The following FNDC3B variants were observed in gnomAD, a reference collection of about 807,000 sequenced individuals.
The protein encoded by FNDC3B is fibronectin type III domain containing 3B, also known as fibronectin type III domain-containing protein 3B.
A neutral mutation model predicts 151.5 loss-of-function variants in FNDC3B; 12 were observed. The observed-to-expected ratio is 0.08, with a 90% CI of 0.05 to 0.13. The LOEUF (loss-of-function observed/expected upper bound fraction) is 0.13, where lower values mean the gene tolerates loss of function less well. FNDC3B is among the 10% of genes least tolerant of loss of function. The probability of loss-of-function intolerance (pLI) is 1.00; values close to 1 mark genes in which losing one functional copy is unlikely to be tolerated. For missense variants in FNDC3B, 1,214 were observed against 1,505.3 expected (o/e 0.81, Z 3.20); for synonymous variants, 528 against 549.0 (o/e 0.96, Z 0.54).
chr3:172,064,682 C>G (rs1717398634), intron 1 of FNDC3B, among the ~76,000 whole-genome samples: 1 of 152,194 alleles, frequency 6.6e-6, no homozygotes, highest in African/African-American at 2.4e-5. Flanking sequence ...TCAATATGCT[C>G]CAGGGGAAGA....
At chr3:172,329,730 C>T (rs1000902392) in intron 12 of FNDC3B, 1 of 151,968 alleles carries the variant, frequency 6.6e-6, no homozygotes, top group African/African-American at 2.4e-5. Flanking sequence ...ATCGGTGGTC[C>T]CCAACCCTCT....
At chr3:172,099,599 C>T (rs1719276961) in intron 1 of FNDC3B, among the ~76,000 whole-genome samples, 1 of 152,182 alleles carries the variant, frequency 6.6e-6, no homozygotes, top group South Asian at 2.1e-4. Context: ...CTGTACTCTG[C>T]TGACAGCCCC....
intron 18 of FNDC3B, among the ~76,000 whole-genome samples, chr3:172,343,413 CT>C (rs970723029): frequency 3.3e-5 from 5 of 152,108 alleles, no homozygotes; most frequent in Non-Finnish European, 1.5e-5. Flanking sequence ...AACAGCCAGT[CT>C]TTTTCAGAAA....
At chr3:172,374,261 T>C (rs1735017448) in intron 23 of FNDC3B, among the ~76,000 whole-genome samples, 2 of 152,244 alleles carry the variant, frequency 1.3e-5, no homozygotes, top group South Asian at 2.1e-4. Context: ...TTAGCAGTGA[T>C]GTCCGTGGTC....
intron 3 of FNDC3B, among the ~76,000 whole-genome samples, chr3:172,219,688 A>C (rs774513566): frequency 6.6e-6 from 1 of 152,188 alleles, no homozygotes; most frequent in Non-Finnish European, 1.5e-5. Flanking sequence ...AGATTTATTT[A>C]TTCTGAATAT....
At chr3:172,337,754 G>C (rs1168895736) in intron 16 of FNDC3B, 1 of 248,728 alleles carries the variant, frequency 4.0e-6, no homozygotes, top group Admixed American at 5.3e-5. Context: ...GCACAAACAT[G>C]GCCCATTGCA....
At chr3:172,084,311 C>T (rs577212156) in intron 1 of FNDC3B, among the ~76,000 whole-genome samples, 4 of 152,042 alleles carry the variant, frequency 2.6e-5, no homozygotes, top group Non-Finnish European at 2.9e-5. Context: ...ATTAGCTGGG[C>T]GTGGTGGTGC....
At chr3:172,204,170 C>T (rs1242923407) in intron 3 of FNDC3B, among the ~76,000 whole-genome samples, 7 of 152,192 alleles carry the variant, frequency 4.6e-5, no homozygotes, top group Non-Finnish European at 7.3e-5. Flanking sequence ...AATTTTCTGA[C>T]TCAAAGCGAG....
At chr3:172,071,097 TA>T (rs1717755691) in intron 1 of FNDC3B, among the ~76,000 whole-genome samples, 1 of 152,186 alleles carries the variant, frequency 6.6e-6, no homozygotes, top group African/African-American at 2.4e-5. Flanking sequence ...TTGATAGTGC[TA>T]AAAATTAGTC....
At chr3:172,385,145 C>G (rs1333180587) in intron 25 of FNDC3B, among the ~76,000 whole-genome samples, 1 of 151,560 alleles carries the variant, frequency 6.6e-6, no homozygotes, top group Non-Finnish European at 1.5e-5. Context: ...CTTCATTGTT[C>G]TGGACATGAG....
chr3:172,224,273 C>G (rs1312787029), intron 3 of FNDC3B, among the ~76,000 whole-genome samples: 1 of 152,144 alleles, frequency 6.6e-6, no homozygotes, highest in Non-Finnish European at 1.5e-5. Flanking sequence ...AAACCAAAGC[C>G]TTCAGCGATT....
chr3:172,195,572 C>T (rs1332511434), intron 3 of FNDC3B, among the ~76,000 whole-genome samples: 2 of 152,232 alleles, frequency 1.3e-5, no homozygotes, highest in Non-Finnish European at 2.9e-5. Context: ...TAGCTCTCTT[C>T]CACATTGTTT....
chr3:172,204,360 A>G (rs1725318223), intron 3 of FNDC3B, among the ~76,000 whole-genome samples: 1 of 152,198 alleles, frequency 6.6e-6, no homozygotes, highest in South Asian at 2.1e-4. Context: ...TTTGTGGCCA[A>G]GTTTTCATAA....
intron 4 of FNDC3B, among the ~76,000 whole-genome samples, chr3:172,232,935 A>G (rs1438394770): frequency 6.6e-6 from 1 of 152,234 alleles, no homozygotes; most frequent in Non-Finnish European, 1.5e-5. Context: ...ACTACAATGA[A>G]AAAGACTGTT....
intron 10 of FNDC3B, among the ~76,000 whole-genome samples, chr3:172,310,390 A>T (rs1731408476): frequency 6.6e-6 from 1 of 152,176 alleles, no homozygotes; most frequent in African/African-American, 2.4e-5. Context: ...AAGTACTTTT[A>T]AAAAATTAAA....
intron 6 of FNDC3B, among the ~76,000 whole-genome samples, chr3:172,273,761 A>G (rs991721678): frequency 3.9e-5 from 6 of 152,244 alleles, no homozygotes; most frequent in African/African-American, 1.4e-4. Context: ...GAAAGACTTT[A>G]GAGAAATGGC....
In FNDC3B at chr3:172,310,825, T is replaced by A. The variant is rs1731436308; in HGVS notation, c.1201-3T>A. The A allele has an allele frequency of 6.2e-7, 1 of 1,608,526 alleles. No individual in the cohort carries two copies. Among genetic ancestry groups the A allele is most frequent in the African/African-American group, 1.3e-5 (1 of 74,942 alleles). Reference sequence around the variant, plus strand: ...TCTAATCTCATGTTACTATTTTTTTTAGGCACCAATTGACAACGGTTCAAA... The same window carrying A: ...TCTAATCTCATGTTACTATTTTTTTAAGGCACCAATTGACAACGGTTCAAA... On this transcript the variant is annotated splice_polypyrimidine_tract_variant and splice_region_variant and intron_variant, in intron 10 of 25. Coordinates refer to ENST00000415807, the MANE Select transcript of FNDC3B (RefSeq NM_022763.4).
intron 3 of FNDC3B, among the ~76,000 whole-genome samples, chr3:172,136,841 T>C (rs762995059): frequency 1.2e-3 from 185 of 152,208 alleles, no homozygotes; most frequent in African/African-American, 3.8e-3. Context: ...TGCCTAAGCC[T>C]CCTGAGTAGC....
At position 172,307,579 on chromosome 3, in the gene FNDC3B, G is replaced by T. The variant is rs866256863; in HGVS notation, c.1200+78G>T. 3.4e-4 allele frequency: 505 copies of T among 1,471,278 alleles called. 2 individuals are homozygous for T. In the Middle Eastern group the frequency reaches 4.9e-3, roughly 14 times the overall value. 91.1% of individuals were successfully genotyped at this position (1,471,278 alleles called of 1,614,324 possible). A position where few individuals can be genotyped will look rare whatever the true frequency, so the allele number is the denominator to read the frequency against. ...TGGTGGCAACGTGTTCCTAGTCCCA[G>T]CTACCTGGGAGGCTGAGGAGGGGGG... On this transcript the variant is annotated intron_variant, in intron 10 of 25. Transcript: ENST00000415807.
Sources: gnomAD v4.1 joint callset for allele counts (sites outside exome capture counted in the v4.1 genomes callset) on GRCh38, gnomAD v4.1.1 for gene constraint, MANE v1.5 for transcripts, NCBI Gene and HGNC (gene_info 2026-07-23, HGNC 2026-07-21) for gene names.